CALN1: variants seen among roughly 807,000 people sequenced by gnomAD.
CALN1 encodes the protein calcium-binding protein 8.
Under a neutral mutation model 30.6 loss-of-function variants are expected in CALN1, and 17 were observed. The ratio of observed to expected loss-of-function variants is 0.56; its 90% CI spans 0.38 to 0.83. CALN1 has a LOEUF of 0.83. Among genes scored for constraint, CALN1 ranks in the 40% least tolerant of loss-of-function variants. The probability of loss-of-function intolerance (pLI) is 0.00; values close to 1 mark genes in which losing one functional copy is unlikely to be tolerated. For synonymous variants in CALN1, 156 were observed against 131.4 expected, an observed-to-expected ratio of 1.19 and a Z score of -1.28; for missense variants, 291 against 354.9, an observed-to-expected ratio of 0.82 and a Z score of 1.45.
At chr7:72,188,966 C>T (rs1790409841) in intron 3 of CALN1, among the ~76,000 whole-genome samples, 1 of 152,152 alleles carries the variant, frequency 6.6e-6, no homozygotes, top group Non-Finnish European at 1.5e-5. Context: ...GGGACTAAGC[C>T]TTCCTCCTAC....
chr7:72,195,266 T>C (rs1300365635), intron 3 of CALN1, among the ~76,000 whole-genome samples: 2 of 152,340 alleles, frequency 1.3e-5, no homozygotes, highest in East Asian at 1.9e-4. Context: ...GAATAACCAC[T>C]GTCTTCTCCT....
intron 5 of CALN1, among the ~76,000 whole-genome samples, chr7:71,953,019 T>G (rs1481216271): frequency 6.6e-6 from 1 of 152,212 alleles, no homozygotes; most frequent in African/African-American, 2.4e-5. Context: ...TGCAGTGGTG[T>G]GACCACAGCT....
At chr7:71,896,008 T>C (rs879676130) in intron 5 of CALN1, among the ~76,000 whole-genome samples, 1 of 152,178 alleles carries the variant, frequency 6.6e-6, no homozygotes, top group Non-Finnish European at 1.5e-5. Flanking sequence ...AGAATAATGA[T>C]CTCAGTAGGC....
chr7:71,810,262 G>C lies in CALN1; in HGVS notation c.658+74C>G, dbSNP rs1053873079. On this transcript the variant is annotated intron_variant, in intron 6 of 6. Transcript: ENST00000395275. ...TCAGCCCAAGAGCCTGTGTGTGAAC[G>C]CATTTTTCATATAGAGAGTGTGGTG... 4.7e-6 allele frequency: 7 copies of C among 1,482,230 alleles called. No individual in the cohort carries two copies. In the African/African-American group the frequency reaches 9.8e-5, roughly 21 times the overall value. The allele number at this position is 1,482,230 out of a possible 1,614,324, so 91.8% of individuals were successfully genotyped here.
chr7:72,212,435 G>T (rs1792481372), intron 3 of CALN1, among the ~76,000 whole-genome samples: 1 of 151,680 alleles, frequency 6.6e-6, no homozygotes, highest in Non-Finnish European at 1.5e-5. Flanking sequence ...TGACTAAGGA[G>T]AGTCCCAGCC....
chr7:72,041,780 G>A (rs558975960), intron 4 of CALN1, among the ~76,000 whole-genome samples: 3 of 152,240 alleles, frequency 2.0e-5, no homozygotes, highest in Admixed American at 2.0e-4. Context: ...TCTTTCTCGT[G>A]CTGTTCTCAA....
the CALN1 span, among the ~76,000 whole-genome samples, chr7:72,494,187 C>G: frequency 9.2e-5 from 14 of 152,282 alleles, no homozygotes; most frequent in African/African-American, 3.4e-4. Context: ...AAGACCTTGT[C>G]TCTAAAAATC....
intron 3 of CALN1, among the ~76,000 whole-genome samples, chr7:72,244,717 G>A (rs1795052319): frequency 6.6e-6 from 1 of 151,806 alleles, no homozygotes; most frequent in Admixed American, 6.6e-5. Context: ...GGGCTTCCCA[G>A]ACAGAGAAAA....
rs1799342320 is a variant in CALN1, at chr7:72,302,503, T to A, written c.120-23693A>T. On this transcript the variant is annotated intron_variant, in intron 2 of 6. Transcript: ENST00000395275. ...GACAGAGGCTTAGAAAGTTTACAAT[T>A]TGGCTGGGCGTGGTGGCTCAGGCCC... Among the ~76,000 whole-genome samples the A allele has an allele frequency of 2.0e-5, 3 of 152,106 alleles. No individual in the cohort carries two copies. The South Asian group carries it at 6.2e-4, about 32-fold the overall frequency.
rs757863922 is a variant in CALN1 at position 72,106,307 on chromosome 7, A to G, written c.245-13T>C. On this transcript the variant is annotated splice_polypyrimidine_tract_variant and intron_variant, in intron 3 of 6. Transcript: ENST00000395275. ...GCCTCTCGGATTTCTACAATGGAAA[A>G]GCAAAGAAAGTCCAGTGGTCACATG... The G allele has an allele frequency of 6.2e-7, 1 of 1,613,724 alleles. No homozygotes were observed. Among genetic ancestry groups the G allele is most frequent in the Non-Finnish European group, 8.5e-7 (1 of 1,179,774 alleles).
At chr7:72,313,569 A>G (rs1246126741) in intron 2 of CALN1, among the ~76,000 whole-genome samples, 1 of 151,892 alleles carries the variant, frequency 6.6e-6, no homozygotes, top group East Asian at 2.0e-4. Flanking sequence ...ATTGTTTTGT[A>G]CTTTTTGTAG....
intron 2 of CALN1, among the ~76,000 whole-genome samples, chr7:72,310,211 GA>G (rs1799947761): frequency 6.6e-6 from 1 of 151,688 alleles, no homozygotes; most frequent in African/African-American, 2.4e-5. Flanking sequence ...TCCTGGCTCT[GA>G]AAAACCCTAG....
At chr7:71,919,901 T>C (rs1329682734) in intron 5 of CALN1, among the ~76,000 whole-genome samples, 1 of 152,208 alleles carries the variant, frequency 6.6e-6, no homozygotes, top group African/African-American at 2.4e-5. Flanking sequence ...CTAATGACAG[T>C]ATTTCCCGAT....
the CALN1 span, among the ~76,000 whole-genome samples, chr7:72,498,497 T>C: frequency 6.6e-6 from 1 of 152,024 alleles, no homozygotes; most frequent in African/African-American, 2.4e-5. Flanking sequence ...ACTCAATAAA[T>C]GGAGCCTGGA....
chr7:71,802,820 G>A (rs1022184582), intron 6 of CALN1, among the ~76,000 whole-genome samples: 16 of 151,998 alleles, frequency 1.1e-4, no homozygotes, highest in African/African-American at 3.6e-4. Context: ...GTCAGGAGTT[G>A]GAGACCAGCC....
rs181336998 is a variant in CALN1, at chr7:71,960,759, T to G, written c.501+62898A>C. ...TATATTCTTCCACTCTCTACCTCCA[T>G]GCAGGTGCAAACTCCTACACCATTA... On this transcript the variant is annotated intron_variant, in intron 5 of 6. Transcript: ENST00000395275. 3.9e-3 allele frequency among the ~76,000 whole-genome samples: 588 copies of G among 152,318 alleles called. 5 individuals carry two copies. The highest frequency in any genetic ancestry group is 0.013 in the African/African-American group (559 of 41,572).
chr7:72,352,226 T>A (rs1315861661), intron 2 of CALN1, among the ~76,000 whole-genome samples: 3 of 150,782 alleles, frequency 2.0e-5, no homozygotes, highest in Non-Finnish European at 2.9e-5. Context: ...CCAACTCTAC[T>A]AAAAGTACCA....
intron 3 of CALN1, among the ~76,000 whole-genome samples, chr7:72,149,653 C>T (rs1430897667): frequency 1.3e-5 from 2 of 152,108 alleles, no homozygotes; most frequent in Non-Finnish European, 2.9e-5. Flanking sequence ...CCATAATACT[C>T]CCATTCCCTA....
At chr7:71,914,003 AAGC>A (rs371350696) in intron 5 of CALN1, 10 of 152,246 alleles carry the variant, frequency 6.6e-5, no homozygotes, top group African/African-American at 2.4e-4. Flanking sequence ...ATGAGCTAGT[AAGC>A]AGCAGAACTG....
Sources: gnomAD v4.1 joint callset for allele counts (sites outside exome capture counted in the v4.1 genomes callset) on GRCh38, gnomAD v4.1.1 for gene constraint, MANE v1.5 for transcripts, NCBI Gene and HGNC (gene_info 2026-07-23, HGNC 2026-07-21) for gene names.